Variants in PCDHA6 observed in about 807,000 individuals in gnomAD.
The protein encoded by PCDHA6 is protocadherin alpha-6.
In PCDHA6, 55 loss-of-function variants were observed where a neutral mutation model predicts 60.3. The observed-to-expected ratio is 0.91, with a 90% CI of 0.73 to 1.14. PCDHA6 has a LOEUF of 1.14. Among genes scored for constraint, PCDHA6 ranks in the 50% most tolerant of loss-of-function variants. The pLI is 0.00. For missense variants in PCDHA6, 1,327 were observed against 1,256.5 expected, an observed-to-expected ratio of 1.06 and a Z score of -0.85; for synonymous variants, 652 against 557.9, an observed-to-expected ratio of 1.17 and a Z score of -2.38.
At chr5:140,843,923 C>T (rs1779144561) in intron 1 of PCDHA6, 1 of 599,994 alleles carries the variant, frequency 1.7e-6, no homozygotes, top group Non-Finnish European at 2.9e-6. Context: ...TATCTTGAAA[C>T]TCAAGTTATG....
At chr5:140,835,882 G>A (rs1166974775) in intron 1 of PCDHA6, 4 of 1,611,972 alleles carry the variant, frequency 2.5e-6, no homozygotes, top group Non-Finnish European at 2.5e-6. Flanking sequence ...CTGCGGGTGG[G>A]CGAGCGCGCG....
intron 3 of PCDHA6, among the ~76,000 whole-genome samples, chr5:141,006,214 TTA>T (rs2098261511): frequency 6.6e-6 from 1 of 152,046 alleles, no homozygotes; most frequent in South Asian, 2.1e-4. Flanking sequence ...TCATTTTTTT[TTA>T]AATTTTTTAT....
At chr5:140,832,971 T>C (rs115888961) in intron 1 of PCDHA6, among the ~76,000 whole-genome samples, 2,340 of 152,296 alleles carry the variant, frequency 0.015, 65 homozygotes, top group African/African-American at 0.053. Flanking sequence ...ATTCCAAATG[T>C]ACCTAGAAAT....
At chr5:140,851,197 G>A (rs1581255686) in intron 1 of PCDHA6, 1 of 1,202,520 alleles carries the variant, frequency 8.3e-7, no homozygotes. Flanking sequence ...TTAGTTGTTA[G>A]TCATTCATTA....
intron 1 of PCDHA6, chr5:140,969,591 T>C: frequency 2.4e-6 from 2 of 829,486 alleles, no homozygotes; most frequent in South Asian, 2.0e-5. Context: ...TTAGTCTTAA[T>C]ATTTAATGCT....
At chr5:140,918,115 A>G (rs185486488) in intron 1 of PCDHA6, among the ~76,000 whole-genome samples, 14 of 152,198 alleles carry the variant, frequency 9.2e-5, no homozygotes, top group African/African-American at 3.1e-4. Flanking sequence ...CACATCCTTG[A>G]TTAGCCATAT....
chr5:140,997,087 T>C (rs1218654416), intron 3 of PCDHA6, among the ~76,000 whole-genome samples: 4 of 152,156 alleles, frequency 2.6e-5, no homozygotes, highest in Non-Finnish European at 5.9e-5. Flanking sequence ...GAGTAGAAAG[T>C]GCAGAGTTCT....
At chr5:140,843,759 A>T in intron 1 of PCDHA6, 1 of 1,499,994 alleles carries the variant, frequency 6.7e-7, no homozygotes. Flanking sequence ...TATTTGTGGA[A>T]ATTGTAGTTA....
chr5:140,926,215 C>T (rs2083014396), intron 1 of PCDHA6, among the ~76,000 whole-genome samples: 1 of 152,170 alleles, frequency 6.6e-6, no homozygotes, highest in Non-Finnish European at 1.5e-5. Flanking sequence ...CTCCTGTTTC[C>T]TTAAGCCTAG....
chr5:140,937,838 G>A (rs757526914), intron 1 of PCDHA6, among the ~76,000 whole-genome samples: 3 of 150,986 alleles, frequency 2.0e-5, no homozygotes, highest in Non-Finnish European at 2.9e-5. Context: ...CATGAACCTG[G>A]AAGGCGGAAC....
In PCDHA6 at chr5:140,982,464, T is replaced by C; in HGVS notation, c.2454-11T>C. 6.2e-7 allele frequency: 1 copy of C among 1,614,112 alleles called. No individual in the cohort carries two copies. Among genetic ancestry groups the C allele is most frequent in the Non-Finnish European group, 8.5e-7 (1 of 1,180,010 alleles). ...GATCTAACCGTTATCTGGGTCTGTG[T>C]GTTTATTCAGCTCTGTGCACCTAGA... On this transcript the variant is annotated splice_polypyrimidine_tract_variant and intron_variant, in intron 2 of 3. Coordinates refer to ENST00000529310, the MANE Select transcript of PCDHA6 (RefSeq NM_018909.4).
chr5:141,001,594 A>AT (rs1216872407), intron 3 of PCDHA6, among the ~76,000 whole-genome samples: 1 of 152,040 alleles, frequency 6.6e-6, no homozygotes, highest in Non-Finnish European at 1.5e-5. Flanking sequence ...GATTACTCAG[A>AT]TTAGGTTTGC....
chr5:140,884,083 G>A, intron 1 of PCDHA6: 1 of 1,613,596 alleles, frequency 6.2e-7, no homozygotes. Context: ...GCTACAATGC[G>A]TGGCTTTCGT....
chr5:140,852,129 C>T (rs2042245206), intron 1 of PCDHA6: 2 of 891,056 alleles, frequency 2.2e-6, no homozygotes, highest in South Asian at 5.1e-5. Context: ...ATTAAAAACT[C>T]AGTAGAGAAA....
chr5:140,894,919 T>C (rs1188144925), intron 1 of PCDHA6, among the ~76,000 whole-genome samples: 1 of 152,348 alleles, frequency 6.6e-6, no homozygotes, highest in Non-Finnish European at 1.5e-5. Context: ...TGTTGCTCTA[T>C]AGATTTCTAT....
intron 2 of PCDHA6, chr5:140,982,271 G>A: frequency 1.1e-6 from 1 of 930,566 alleles, no homozygotes; most frequent in South Asian, 1.9e-5. Flanking sequence ...TCCTGGAATA[G>A]TATAGCAGGC....
At chr5:140,867,118 T>C (rs2049765139) in intron 1 of PCDHA6, 1 of 152,172 alleles carries the variant, frequency 6.6e-6, no homozygotes, top group Admixed American at 6.5e-5. Context: ...CATATTGTTT[T>C]AATTCAAATA....
Position 141,000,395 on chromosome 5 carries a change from C to CTA in PCDHA6, c.2543-9206_2543-9205dup, listed in dbSNP as rs1190667031. 1.6e-3 allele frequency among the ~76,000 whole-genome samples: 89 copies of CTA among 53,960 alleles called. 3 individuals carry two copies. Among genetic ancestry groups the CTA allele is most frequent in the Non-Finnish European group, 2.3e-3 (71 of 31,108 alleles). 35.4% of individuals were successfully genotyped at this position (53,960 alleles called of 152,430 possible). A position where few individuals can be genotyped will look rare whatever the true frequency, so the allele number is the denominator to read the frequency against. ...TCTCTCTCTCTCTCTCTCTCTCTCT[C>CTA]TATATATATATATATATATATATAT... On this transcript the variant is annotated intron_variant, in intron 3 of 3. Coordinates refer to ENST00000529310, the MANE Select transcript of PCDHA6 (RefSeq NM_018909.4).
chr5:140,855,491 A>AAG, intron 1 of PCDHA6, among the ~76,000 whole-genome samples: 1 of 149,140 alleles, frequency 6.7e-6, no homozygotes, highest in South Asian at 2.1e-4. Context: ...TTAGTGTCTA[A>AAG]ATAAACCTTA....
Sources: gnomAD v4.1 joint callset for allele counts (sites outside exome capture counted in the v4.1 genomes callset) on GRCh38, gnomAD v4.1.1 for gene constraint, MANE v1.5 for transcripts, NCBI Gene and HGNC (gene_info 2026-07-23, HGNC 2026-07-21) for gene names.